Variants in BRCA2 observed in about 807,000 individuals in gnomAD.
The protein encoded by BRCA2 is breast cancer type 2 susceptibility protein.
BRCA2 carries 203 observed loss-of-function variants against 276.7 expected under a neutral mutation model. The observed-to-expected ratio is 0.73, with a 90% CI of 0.65 to 0.82. The LOEUF (loss-of-function observed/expected upper bound fraction) is 0.82, where lower values mean the gene tolerates loss of function less well. BRCA2 is among the 40% of genes least tolerant of loss of function. The pLI is 0.00. For synonymous variants in BRCA2, 1,289 were observed against 1,338.4 expected, an observed-to-expected ratio of 0.96 and a Z score of 0.81; for missense variants, 3,920 against 3,915.0, an observed-to-expected ratio of 1.00 and a Z score of -0.03.
intron 1 of BRCA2, 61 bp from the exon 2 acceptor site, chr13:32,316,361 C>G: frequency 9.4e-7 from 1 of 1,061,586 alleles, no homozygotes; most frequent in Non-Finnish European, 1.4e-6. Context: ...TGAGTTTTAC[C>G]TCAGTCACAT....
chr13:32,394,448 A>T lies in BRCA2; in HGVS notation c.9257-241A>T, dbSNP rs11571816. On this transcript the variant is annotated intron_variant, in intron 24 of 26. Coordinates refer to ENST00000380152, the MANE Select transcript of BRCA2 (RefSeq NM_000059.4). Reference sequence around the variant, plus strand: ...GTACTCCTGTTAGCAATGTGTGCGTATACCTGCTTCCACATGACCTCAGTA... The same window carrying T: ...GTACTCCTGTTAGCAATGTGTGCGTTTACCTGCTTCCACATGACCTCAGTA... Among the ~76,000 whole-genome samples, 1,068 of 152,346 alleles carry T rather than the reference A, an allele frequency of 7.0e-3. 6 individuals are homozygous for T. Among genetic ancestry groups the T allele is most frequent in the African/African-American group, 0.019 (798 of 41,578 alleles).
chr13:32,328,835 T>C (rs1176886497), intron 7 of BRCA2, among the ~76,000 whole-genome samples: 1 of 152,178 alleles, frequency 6.6e-6, no homozygotes, highest in Admixed American at 6.5e-5. Flanking sequence ...AAAACTTTTT[T>C]ACTTAACCTT....
rs985289254 is a variant in BRCA2, at chr13:32,399,661, T to C, written c.*891T>C. 8.5e-5 allele frequency: 15 copies of C among 176,908 alleles called. No individual in the cohort carries two copies. The highest frequency in any genetic ancestry group is 3.5e-4 in the African/African-American group (15 of 42,426). The allele number at this position is 176,908 out of a possible 1,614,324, so 11.0% of individuals were successfully genotyped here. On this transcript the variant is annotated 3_prime_UTR_variant, in exon 27 of 27. Coordinates refer to ENST00000380152, the MANE Select transcript of BRCA2 (RefSeq NM_000059.4). The stretch of plus-strand genomic sequence containing the variant: ...CTTGAGAAAATATCTTGCTTTCAAA[T>C]TGGCACTGATTCTGCCTGCTTTATT...
rs1398504932 is a variant in BRCA2 at position 32,354,921 on chromosome 13, T to A, written c.7068T>A (p.Phe2356Leu). 6.2e-7 allele frequency: 1 copy of A among 1,613,740 alleles called. No homozygotes were observed. The change falls in exon 14 of 27, where the codon TTT becomes TTA. Residue 2356 changes from phenylalanine to leucine, a missense_variant. Physicochemically the swap from Phe to Leu is conservative, Grantham distance 22 (BLOSUM62 0). This residue lies in a region of BRCA2 where 3,263 missense variants were observed against 3,156.9 expected (regional missense o/e 1.03). Coordinates refer to ENST00000380152, the MANE Select transcript of BRCA2 (RefSeq NM_000059.4). ...NPNFTAPGQEFLSKSHLYEHL... is the reference protein window; with the variant it reads ...NPNFTAPGQELLSKSHLYEHL... Reference sequence around the variant, plus strand: ...ATTTTACCGCACCTGGTCAAGAATTTCTGTCTAAATCTCATTTGTATGAAC... The same window carrying A: ...ATTTTACCGCACCTGGTCAAGAATTACTGTCTAAATCTCATTTGTATGAAC...
In BRCA2 at chr13:32,379,319, T is replaced by A. The variant is rs2072897107; in HGVS notation, c.8757T>A (p.Gly2919=). 6.2e-7 allele frequency: 1 copy of A among 1,613,554 alleles called. No individual in the cohort carries two copies. The highest frequency in any genetic ancestry group is 8.5e-7 in the Non-Finnish European group (1 of 1,179,692). ...TCCAATATCTTAAATGGTCACAGGG[T>A]TATTTCAGTGAAGAGCAGTTAAGAG... ...KNAADPAYLE[G]YFSEEQLRAL... Residue 2919 remains glycine, a splice_region_variant and synonymous_variant, in exon 22 of 27, where the codon GGT becomes GGA. Coordinates refer to ENST00000380152, the MANE Select transcript of BRCA2 (RefSeq NM_000059.4).
chr13:32,333,310 C>T lies in BRCA2; in HGVS notation c.1832C>T (p.Ser611Leu), dbSNP rs80358474. The T allele has an allele frequency of 3.7e-6, 6 of 1,606,348 alleles. No individual in the cohort carries two copies. ...AAAAAAATACCGAAAGACCAAAAATCAGAACTAATTAACTGTTCAGCCCAG... is the reference window on the plus strand; with the variant it reads ...AAAAAAATACCGAAAGACCAAAAATTAGAACTAATTAACTGTTCAGCCCAG... ...KGKKIPKDQK[S>L]ELINCSAQFE... The change falls in exon 10 of 27, where the codon TCA becomes TTA. Residue 611 changes from serine to leucine, a missense_variant. By Grantham distance (145) the Ser-to-Leu change is moderately radical. Around this residue, in one of 2 missense-constraint regions of BRCA2, gnomAD observed 3,263 missense variants for 3,156.9 expected, o/e 1.03. Coordinates refer to ENST00000380152, the MANE Select transcript of BRCA2 (RefSeq NM_000059.4).
In BRCA2 at chr13:32,337,923, C is replaced by T. The variant is rs80358604; in HGVS notation, c.3568C>T (p.Arg1190Trp). 5.9e-5 allele frequency: 95 copies of T among 1,613,918 alleles called. No individual in the cohort carries two copies. Among genetic ancestry groups the T allele is most frequent in the Admixed American group, 3.5e-4 (21 of 59,990 alleles). Residue 1190 changes from arginine to tryptophan, a missense_variant, in exon 11 of 27, where the codon CGG (arginine) becomes TGG (tryptophan). By Grantham distance (101) the Arg-to-Trp change is moderately radical (BLOSUM62 -3). Around this residue, in one of 2 missense-constraint regions of BRCA2, gnomAD observed 3,263 missense variants for 3,156.9 expected, o/e 1.03. Coordinates refer to ENST00000380152, the MANE Select transcript of BRCA2 (RefSeq NM_000059.4). ...ATTTGAAGGTACAGTTGAAATTAAA[C>T]GGAAGTTTGCTGGCCTGTTGAAAAA... ...KQFEGTVEIK[R>W]KFAGLLKNDC...
In BRCA2 at chr13:32,398,376, C is replaced by T. The variant is rs754588394; in HGVS notation, c.9863C>T (p.Thr3288Ile). ...CCTCCACCTGTTAGTCCCATTTGTA[C>T]ATTTGTTTCTCCGGCTGCACAGAAG... ...PLPPPVSPICTFVSPAAQKAF... is the reference protein window; with the variant it reads ...PLPPPVSPICIFVSPAAQKAF... Residue 3288 changes from threonine (T) to isoleucine (I), a missense_variant, in exon 27 of 27, where the codon ACA (threonine) becomes ATA (isoleucine). By Grantham distance (89) the Thr-to-Ile change is moderately conservative (BLOSUM62 -1). Coordinates refer to ENST00000380152, the MANE Select transcript of BRCA2 (RefSeq NM_000059.4). The T allele has an allele frequency of 6.2e-6, 10 of 1,614,026 alleles. No homozygotes were observed. The South Asian group carries it at 6.6e-5, about 11-fold the overall frequency.
chr13:32,353,561 G>A (rs2072666718), intron 13 of BRCA2, among the ~76,000 whole-genome samples: 1 of 152,056 alleles, frequency 6.6e-6, no homozygotes, highest in Admixed American at 6.6e-5. Flanking sequence ...TGCTCTCCTT[G>A]CTCCAGGCAC....
chr13:32,363,622 G>GAAATTGAGCATCCTTAGTAA, intron 18 of BRCA2, 89 bp downstream of exon 18: 1 of 1,190,546 alleles, frequency 8.4e-7, no homozygotes, highest in Non-Finnish European at 1.2e-6. Flanking sequence ...TGCTTACTAA[G>GAAATTGAGCATCCTTAGTAA]GATGCTCAAT....
chr13:32,336,710 T>G lies in BRCA2; in HGVS notation c.2355T>G (p.Ile785Met), dbSNP rs1305610719. 6.2e-7 allele frequency: 1 copy of G among 1,613,936 alleles called. No individual in the cohort carries two copies. The highest frequency in any genetic ancestry group is 8.5e-7 in the Non-Finnish European group (1 of 1,179,996). Residue 785 changes from isoleucine (I) to methionine (M), a missense_variant, in exon 11 of 27, where the codon ATT becomes ATG. Ile to Met is a conservative substitution (Grantham distance 10). This residue lies in a region of BRCA2 where 3,263 missense variants were observed against 3,156.9 expected (regional missense o/e 1.03). Coordinates refer to ENST00000380152, the MANE Select transcript of BRCA2 (RefSeq NM_000059.4). Reference protein sequence around the residue: ...SKDVLSNLVMISRGKESYKMS... With the variant: ...SKDVLSNLVMMSRGKESYKMS... ...ATGTTCTGTCAAACCTAGTCATGATTTCTAGAGGCAAAGAATCATACAAAA... is the reference window on the plus strand; with the variant it reads ...ATGTTCTGTCAAACCTAGTCATGATGTCTAGAGGCAAAGAATCATACAAAA...
intron 24 of BRCA2, among the ~76,000 whole-genome samples, chr13:32,382,170 T>G (rs2072929128): frequency 6.6e-6 from 1 of 152,092 alleles, no homozygotes; most frequent in Admixed American, 6.5e-5. Flanking sequence ...GCCAGAATGG[T>G]CTCGATCTCC....
chr13:32,344,478 A>T (rs1291518829), intron 11 of BRCA2, 80 bp from the exon 12 acceptor site: 7 of 903,186 alleles, frequency 7.8e-6, no homozygotes, highest in Non-Finnish European at 1.2e-5. Flanking sequence ...CTTTAGCTTT[A>T]AAAAAATGGT....
At chr13:32,316,671 A>G in intron 2 of BRCA2, 144 bp downstream of exon 2, 1 of 758,594 alleles carries the variant, frequency 1.3e-6, no homozygotes, top group Non-Finnish European at 2.2e-6. Context: ...TAACAACATA[A>G]TCATCGTTTG....
chr13:32,328,276 C>T (rs1362833982), intron 7 of BRCA2, among the ~76,000 whole-genome samples: 7 of 151,174 alleles, frequency 4.6e-5, no homozygotes, highest in African/African-American at 1.7e-4. Flanking sequence ...GAGTCTTGCC[C>T]TTTTGCCCAG....
chr13:32,326,390 A>G (rs2072347878), intron 6 of BRCA2, 108 bp downstream of exon 6: 1 of 1,439,094 alleles, frequency 6.9e-7, no homozygotes, highest in Non-Finnish European at 9.7e-7. Flanking sequence ...ATTCTGCCTC[A>G]TACAGGCAAT....
intron 20 of BRCA2, 27 bp from the exon 21 acceptor site, chr13:32,376,643 G>A (rs1263503314): frequency 6.2e-7 from 1 of 1,611,112 alleles, no homozygotes; most frequent in Non-Finnish European, 8.5e-7. Context: ...ACAGTTTAGT[G>A]AATTAATAAT....
intron 14 of BRCA2, 138 bp downstream of exon 14, chr13:32,355,426 C>G (rs1019689290): frequency 1.4e-5 from 14 of 996,886 alleles, no homozygotes; most frequent in Middle Eastern, 3.2e-4. Context: ...TTTCTAAATC[C>G]AAAGATTAGG....
In BRCA2 at chr13:32,333,388, G is replaced by A. The variant is rs587781629; in HGVS notation, c.1909+1G>A. 6.2e-7 allele frequency: 1 copy of A among 1,609,110 alleles called. No homozygotes were observed. The highest frequency in any genetic ancestry group is 8.5e-7 in the Non-Finnish European group (1 of 1,179,006). On this transcript the variant is annotated splice_donor_variant, in intron 10 of 26. Transcript: ENST00000380152. LOFTEE classifies it high-confidence loss of function. ...CTTACATTTGCAAATGCTGATTCAG[G>A]TACCTCTGTCTTTTTTTTTTTGTAA... is the stretch of plus-strand genomic sequence containing the variant.
Sources: allele counts gnomAD v4.1 joint callset (sites outside exome capture counted in the v4.1 genomes callset), GRCh38; gene constraint gnomAD v4.1.1; regional missense constraint gnomAD v4.1.1; transcripts MANE v1.5; gene names NCBI Gene and HGNC (gene_info 2026-07-23, HGNC 2026-07-21).